The following UNC5D variants were observed in gnomAD, a reference collection of about 807,000 sequenced individuals.
The protein encoded by UNC5D is netrin receptor UNC5D.
Under a neutral mutation model 105.4 loss-of-function variants are expected in UNC5D, and 39 were observed. The ratio of observed to expected loss-of-function variants is 0.37; its 90% CI spans 0.29 to 0.48. The LOEUF is 0.48. Among genes scored for constraint, UNC5D ranks in the 20% least tolerant of loss-of-function variants. The probability of loss-of-function intolerance (pLI) is 0.98; values close to 1 mark genes in which losing one functional copy is unlikely to be tolerated. For synonymous variants in UNC5D, 452 were observed against 450.4 expected (o/e 1.00, Z -0.04); for missense variants, 991 against 1,202.4 (o/e 0.82, Z 2.60).
chr8:35,624,197 G>A (rs1028299926), intron 4 of UNC5D, among the ~76,000 whole-genome samples: 2 of 152,324 alleles, frequency 1.3e-5, no homozygotes, highest in Admixed American at 1.3e-4. Context: ...TTAAAGATTA[G>A]TCATCTTCAC....
At chr8:35,283,745 A>C (rs1453253595) in intron 1 of UNC5D, among the ~76,000 whole-genome samples, 5 of 151,848 alleles carry the variant, frequency 3.3e-5, no homozygotes. Context: ...TGGAGGTTGC[A>C]GTGAGCTGAG....
At chr8:35,745,568 G>T (rs1418475998) in intron 11 of UNC5D, among the ~76,000 whole-genome samples, 1 of 152,192 alleles carries the variant, frequency 6.6e-6, no homozygotes, top group East Asian at 1.9e-4. Context: ...ACAATTGCAT[G>T]AATTAGTCAT....
intron 7 of UNC5D, among the ~76,000 whole-genome samples, chr8:35,698,727 G>A (rs1255822191): frequency 2.6e-5 from 4 of 152,124 alleles, no homozygotes; most frequent in African/African-American, 9.7e-5. Flanking sequence ...ACATGGGAAT[G>A]TGGATATCTT....
intron 4 of UNC5D, among the ~76,000 whole-genome samples, chr8:35,605,608 C>G (rs1282871292): frequency 6.6e-6 from 1 of 152,212 alleles, no homozygotes; most frequent in Non-Finnish European, 1.5e-5. Flanking sequence ...GAGGTTATTG[C>G]TGTCTTTTGT....
At chr8:35,238,370 TG>T (rs1214733877) in intron 1 of UNC5D, among the ~76,000 whole-genome samples, 1 of 152,198 alleles carries the variant, frequency 6.6e-6, no homozygotes, top group Non-Finnish European at 1.5e-5. Context: ...AGCCCAGTAG[TG>T]GCCCAAGAAG....
chr8:35,614,152 C>A (rs532962938), intron 4 of UNC5D, among the ~76,000 whole-genome samples: 1 of 152,276 alleles, frequency 6.6e-6, no homozygotes, highest in South Asian at 2.1e-4. Context: ...AGTTTTCAAG[C>A]GAGAAGCTCT....
At chr8:35,619,792 G>A (rs1281533454) in intron 4 of UNC5D, among the ~76,000 whole-genome samples, 1 of 152,222 alleles carries the variant, frequency 6.6e-6, no homozygotes, top group African/African-American at 2.4e-5. Context: ...GCCAGATGCT[G>A]TGACCACAGT....
At chr8:35,602,839 A>G (rs986697283) in intron 4 of UNC5D, among the ~76,000 whole-genome samples, 1 of 148,382 alleles carries the variant, frequency 6.7e-6, no homozygotes, top group African/African-American at 2.5e-5. Flanking sequence ...ATCATCTAGC[A>G]TTAGGTATAT....
At chr8:35,243,504 T>C (rs1802917851) in intron 1 of UNC5D, among the ~76,000 whole-genome samples, 1 of 152,200 alleles carries the variant, frequency 6.6e-6, no homozygotes, top group South Asian at 2.1e-4. Context: ...TTGCCCAAAG[T>C]CAGATTTTTG....
At chr8:35,475,587 T>C (rs987792986) in intron 1 of UNC5D, among the ~76,000 whole-genome samples, 6 of 152,196 alleles carry the variant, frequency 3.9e-5, no homozygotes, top group Non-Finnish European at 8.8e-5. Flanking sequence ...CTCCTCTCAA[T>C]GGGCTTGTGG....
At chr8:35,302,232 G>C (rs3108626) in intron 1 of UNC5D, among the ~76,000 whole-genome samples, 124,758 of 152,170 alleles carry the variant, frequency 0.82, 51,607 homozygotes, top group East Asian at 1. Context: ...GAAGCTCTGA[G>C]TCTCCAAATT....
At chr8:35,368,203 C>G (rs1802233927) in intron 1 of UNC5D, among the ~76,000 whole-genome samples, 1 of 152,130 alleles carries the variant, frequency 6.6e-6, no homozygotes, top group Non-Finnish European at 1.5e-5. Flanking sequence ...CTCAATTTTA[C>G]TTTGAAAAAT....
chr8:35,456,052 G>A (rs1281754862), intron 1 of UNC5D, among the ~76,000 whole-genome samples: 4 of 152,152 alleles, frequency 2.6e-5, no homozygotes, highest in Non-Finnish European at 5.9e-5. Flanking sequence ...CTTCCTAGCA[G>A]TTAAGTTAGA....
chr8:35,375,551 C>CAAT (rs33959311), intron 1 of UNC5D, among the ~76,000 whole-genome samples: 81,112 of 151,720 alleles, frequency 0.53, 22,428 homozygotes, highest in East Asian at 0.71. Flanking sequence ...AATGCCCATA[C>CAAT]AATAATAGTA....
chr8:35,429,052 AGCT>A (rs1301216370), intron 1 of UNC5D, among the ~76,000 whole-genome samples: 7 of 152,204 alleles, frequency 4.6e-5, no homozygotes, highest in African/African-American at 1.7e-4. Context: ...AAAATATGGT[AGCT>A]ACATCCATAA....
chr8:35,762,936 T>A (rs1178428532), intron 14 of UNC5D, among the ~76,000 whole-genome samples: 1 of 152,212 alleles, frequency 6.6e-6, no homozygotes, highest in Admixed American at 6.5e-5. Context: ...CTAATTATAA[T>A]AGGAGTCAAA....
At chr8:35,779,764 G>A (rs1802419749) in intron 16 of UNC5D, among the ~76,000 whole-genome samples, 1 of 152,054 alleles carries the variant, frequency 6.6e-6, no homozygotes, top group African/African-American at 2.4e-5. Context: ...CCAGGAGAGT[G>A]TTCTTGACCC....
At chr8:35,361,896 G>A (rs1224485077) in intron 1 of UNC5D, among the ~76,000 whole-genome samples, 2 of 152,052 alleles carry the variant, frequency 1.3e-5, no homozygotes, top group African/African-American at 2.4e-5. Context: ...GTGCTATATT[G>A]CATTTTATTC....
chr8:35,476,734 A>G (rs1810128786), intron 1 of UNC5D, among the ~76,000 whole-genome samples: 1 of 152,180 alleles, frequency 6.6e-6, no homozygotes, highest in Non-Finnish European at 1.5e-5. Flanking sequence ...CTGAAAATTA[A>G]GGCAGCTTAC....
Sources: allele counts gnomAD v4.1 joint callset (sites outside exome capture counted in the v4.1 genomes callset), GRCh38; gene constraint gnomAD v4.1.1; transcripts MANE v1.5; gene names NCBI Gene and HGNC (gene_info 2026-07-23, HGNC 2026-07-21).